The following SEMA3D variants were observed in gnomAD, a reference collection of about 807,000 sequenced individuals.
SEMA3D encodes semaphorin-3D.
A neutral mutation model predicts 100.1 loss-of-function variants in SEMA3D; 84 were observed. The ratio of observed to expected loss-of-function variants is 0.84; its 90% CI spans 0.70 to 1.01. The LOEUF is 1.01. SEMA3D is among the 50% of genes least tolerant of loss of function. SEMA3D has a pLI of 0.00. For synonymous variants in SEMA3D, 312 were observed against 320.7 expected (o/e 0.97, Z 0.29); for missense variants, 875 against 934.1 (o/e 0.94, Z 0.82).
chr7:85,044,076 A>G (rs1306612317), intron 9 of SEMA3D, among the ~76,000 whole-genome samples: 2 of 151,946 alleles, frequency 1.3e-5, no homozygotes, highest in Non-Finnish European at 2.9e-5. Flanking sequence ...TTAAGTATAA[A>G]TTATATAAAA....
At chr7:85,062,378 T>C (rs562406196) in intron 8 of SEMA3D, among the ~76,000 whole-genome samples, 1 of 152,086 alleles carries the variant, frequency 6.6e-6, no homozygotes, top group South Asian at 2.1e-4. Context: ...GATGAGGTAA[T>C]GAAGACCTAT....
At chr7:85,090,404 C>T (rs538101245) in intron 4 of SEMA3D, among the ~76,000 whole-genome samples, 7 of 152,132 alleles carry the variant, frequency 4.6e-5, no homozygotes, top group Non-Finnish European at 1.0e-4. Flanking sequence ...GATTACTAGA[C>T]AGCATATGCT....
chr7:85,005,184 G>A (rs1418709881), intron 18 of SEMA3D, among the ~76,000 whole-genome samples: 1 of 151,852 alleles, frequency 6.6e-6, no homozygotes, highest in African/African-American at 2.4e-5. Context: ...TCAAAATATT[G>A]GTTTGTGACA....
At chr7:85,088,294 C>T (rs1377536444) in intron 4 of SEMA3D, among the ~76,000 whole-genome samples, 2 of 152,072 alleles carry the variant, frequency 1.3e-5, no homozygotes, top group African/African-American at 2.4e-5. Context: ...CTAATTATAT[C>T]TGCTCTTTGT....
intron 12 of SEMA3D, among the ~76,000 whole-genome samples, chr7:85,026,866 C>A (rs1790404285): frequency 1.3e-5 from 2 of 151,914 alleles, no homozygotes; most frequent in African/African-American, 2.4e-5. Flanking sequence ...AACAGGGTAG[C>A]TAAAAAGTTT....
intron 2 of SEMA3D, among the ~76,000 whole-genome samples, chr7:85,137,016 CAAGCA>C (rs1233496166): frequency 6.6e-6 from 1 of 151,958 alleles, no homozygotes; most frequent in African/African-American, 2.4e-5. Context: ...TAGTTTTAGC[CAAGCA>C]AAGTGTCTAT....
chr7:85,065,428 G>C lies in SEMA3D; in HGVS notation c.714C>G (p.Leu238=), dbSNP rs1245137812. 4 of 1,612,598 alleles carry C rather than the reference G, an allele frequency of 2.5e-6. No homozygotes were observed. Among genetic ancestry groups the C allele is most frequent in the Non-Finnish European group, 3.4e-6 (4 of 1,179,198 alleles). The change falls in exon 8 of 19, where the codon CTC becomes CTG. Residue 238 remains leucine, a synonymous_variant. Transcript: ENST00000284136. ...IRTDISEHYW[L]NGAKFIGTFF... is the part of the protein sequence containing the mutation. ...AAACAAAAAAAAATCACAAACCATT[G>C]AGCCAGTAGTGCTCTGAAATGTCAG...
At chr7:85,197,115 T>C in the SEMA3D span, among the ~76,000 whole-genome samples, 2 of 152,294 alleles carry the variant, frequency 1.3e-5, no homozygotes, top group African/African-American at 4.8e-5. Context: ...TCCAAAAACA[T>C]GTTTCTTTGC....
chr7:85,061,674 A>G (rs1165922429), intron 8 of SEMA3D, among the ~76,000 whole-genome samples: 1 of 152,116 alleles, frequency 6.6e-6, no homozygotes, highest in Non-Finnish European at 1.5e-5. Context: ...GAGCAAGCCA[A>G]TATTTTGTCT....
chr7:85,111,853 C>G (rs985870638), intron 3 of SEMA3D, among the ~76,000 whole-genome samples: 6 of 152,064 alleles, frequency 3.9e-5, no homozygotes, highest in Admixed American at 3.9e-4. Context: ...TCTTTAGGAT[C>G]CTTACACATG....
In SEMA3D at chr7:85,046,847, G is replaced by C. The variant is rs1791022184; in HGVS notation, c.862-4562C>G. 2.0e-5 allele frequency among the ~76,000 whole-genome samples: 3 copies of C among 151,962 alleles called. No homozygotes were observed. The South Asian group carries it at 6.2e-4, about 32-fold the overall frequency. On this transcript the variant is annotated intron_variant, in intron 9 of 18. Coordinates refer to ENST00000284136, the MANE Select transcript of SEMA3D (RefSeq NM_001384900.1). ...AATTGTCACCTCCTTGCTTATTTTT[G>C]TGAAGTTCTAAAGAATATAACCATC...
In SEMA3D at chr7:85,073,002, T is replaced by C. The variant is rs547265159; in HGVS notation, c.455A>G (p.His152Arg). The C allele has an allele frequency of 3.1e-5, 50 of 1,611,178 alleles. No individual in the cohort carries two copies. The South Asian group carries it at 4.8e-4, about 16-fold the overall frequency. The change falls in exon 6 of 19, where the codon CAT becomes CGT. Residue 152 changes from histidine to arginine, a missense_variant. By Grantham distance (29) the His-to-Arg change is conservative. Coordinates refer to ENST00000284136, the MANE Select transcript of SEMA3D (RefSeq NM_001384900.1). ...AAGATCAATATACCCACATATTGGATGAAATGCTCCAGTTCCACACACATA... is the reference window on the plus strand; with the variant it reads ...AAGATCAATATACCCACATATTGGACGAAATGCTCCAGTTCCACACACATA... ...HIYVCGTGAF[H>R]PICGYIDLGV...
At chr7:85,024,944 T>C (rs1209417926) in intron 12 of SEMA3D, among the ~76,000 whole-genome samples, 1 of 152,030 alleles carries the variant, frequency 6.6e-6, no homozygotes, top group East Asian at 1.9e-4. Context: ...AAGAAAAATT[T>C]CGTAAAAGAA....
At chr7:85,192,912 T>C in the SEMA3D span, among the ~76,000 whole-genome samples, 2 of 152,150 alleles carry the variant, frequency 1.3e-5, no homozygotes. Flanking sequence ...GAGTCTATGA[T>C]AACCCATTTA....
intron 3 of SEMA3D, among the ~76,000 whole-genome samples, chr7:85,102,400 G>C (rs555059586): frequency 2.0e-5 from 3 of 151,952 alleles, no homozygotes; most frequent in African/African-American, 7.2e-5. Flanking sequence ...CCAGCACCTA[G>C]CTCAGAGTCT....
chr7:85,194,079 CATT>C, the SEMA3D span, among the ~76,000 whole-genome samples: 3 of 152,066 alleles, frequency 2.0e-5, no homozygotes, highest in African/African-American at 7.2e-5. Flanking sequence ...CTATAATGCT[CATT>C]AGTTCCAAGA....
intron 4 of SEMA3D, among the ~76,000 whole-genome samples, chr7:85,086,001 C>A (rs1206207101): frequency 6.6e-6 from 1 of 152,046 alleles, no homozygotes; most frequent in Non-Finnish European, 1.5e-5. Flanking sequence ...TTTTGATTAG[C>A]AAGTAAATGT....
intron 7 of SEMA3D, among the ~76,000 whole-genome samples, chr7:85,066,006 C>T (rs1257849843): frequency 6.6e-6 from 1 of 152,104 alleles, no homozygotes; most frequent in Non-Finnish European, 1.5e-5. Flanking sequence ...ATTTTCTTTG[C>T]CTAACCTCTG....
At chr7:85,019,024 A>AC (rs1790182269) in intron 14 of SEMA3D, among the ~76,000 whole-genome samples, 1 of 151,738 alleles carries the variant, frequency 6.6e-6, no homozygotes, top group Non-Finnish European at 1.5e-5. Flanking sequence ...TATGAAAAAA[A>AC]ATTTCAGTGA....
Sources: allele counts gnomAD v4.1 joint callset (sites outside exome capture counted in the v4.1 genomes callset), GRCh38; gene constraint gnomAD v4.1.1; transcripts MANE v1.5; gene names NCBI Gene and HGNC (gene_info 2026-07-23, HGNC 2026-07-21).